Variants in MMRN2 observed in about 807,000 individuals in gnomAD.
The protein encoded by MMRN2 is multimerin-2.
A neutral mutation model predicts 68.8 loss-of-function variants in MMRN2; 53 were observed. The observed-to-expected ratio is 0.77, with a 90% CI of 0.62 to 0.97. MMRN2 has a LOEUF of 0.97. Among genes scored for constraint, MMRN2 ranks in the 50% least tolerant of loss-of-function variants. MMRN2 has a pLI of 0.00. For missense variants in MMRN2, 1,266 were observed against 1,259.5 expected, an observed-to-expected ratio of 1.01 and a Z score of -0.08; for synonymous variants, 564 against 551.6, an observed-to-expected ratio of 1.02 and a Z score of -0.32.
chr10:86,941,567 G>C (rs992074531), intron 6 of MMRN2, among the ~76,000 whole-genome samples: 1 of 152,076 alleles, frequency 6.6e-6, no homozygotes, highest in African/African-American at 2.4e-5. Context: ...GGAGGCTGAG[G>C]TGGGCAGATT....
In MMRN2 at chr10:86,936,752, A is replaced by G; in HGVS notation, c.2841T>C (p.Phe947=). 6.2e-7 allele frequency: 1 copy of G among 1,614,052 alleles called. No individual in the cohort carries two copies. Among genetic ancestry groups the G allele is most frequent in the Non-Finnish European group, 8.5e-7 (1 of 1,179,938 alleles). The stretch of plus-strand genomic sequence containing the variant: ...AGATTGGGGCTGGGGTTCAGGTCTT[A>G]AACATCAGGAAGCCCCCAAATGCAG... ...SGTAFGGFLM[F]KT Residue 947 remains phenylalanine (F), a synonymous_variant, in exon 7 of 7, where the codon TTT becomes TTC. Transcript: ENST00000372027.
intron 4 of MMRN2, 47 bp downstream of exon 4, chr10:86,945,141 T>G (rs1844046296): frequency 6.4e-7 from 1 of 1,550,886 alleles, no homozygotes; most frequent in South Asian, 1.1e-5. Context: ...GCTGGCTACA[T>G]GGGCCCCACC....
At chr10:86,942,290 T>C (rs781464137) in intron 6 of MMRN2, 27 bp downstream of exon 6, 3 of 1,576,138 alleles carry the variant, frequency 1.9e-6, no homozygotes, top group Non-Finnish European at 2.6e-6. Flanking sequence ...CCTAGGCTCG[T>C]CCAGTCTCCC....
chr10:86,953,288 T>G (rs1025999563), intron 1 of MMRN2, among the ~76,000 whole-genome samples: 20 of 152,186 alleles, frequency 1.3e-4, no homozygotes, highest in African/African-American at 4.3e-4. Context: ...TAAGAAATTA[T>G]GAGTATTATT....
Position 86,942,975 on chromosome 10 carries a change from C to A in MMRN2, c.1809G>T (p.Ala603=), listed in dbSNP as rs1843998918. 1.3e-6 allele frequency: 2 copies of A among 1,486,144 alleles called. No individual in the cohort carries two copies. Among genetic ancestry groups the A allele is most frequent in the Non-Finnish European group, 1.8e-6 (2 of 1,119,154 alleles). 92.1% of individuals were successfully genotyped at this position (1,486,144 alleles called of 1,614,324 possible). Residue 603 remains alanine (A), a synonymous_variant, in exon 6 of 7, where the codon GCG becomes GCT. Transcript: ENST00000372027. ...CGGCCAGCACCGCCTCGTGCCGCAG[C>A]GCGTCCTCCAGCAGGGCGGCGAAGG... ...HSAFAALLED[A]LRHEAVLAAL...
rs1843884551 is a variant in MMRN2 at position 86,936,733 on chromosome 10, G to C, written c.*10C>G. The C allele has an allele frequency of 6.2e-7, 1 of 1,613,168 alleles. No homozygotes were observed. The highest frequency in any genetic ancestry group is 1.3e-5 in the African/African-American group (1 of 74,886). ...GAGTCCATGATGTCTGATCAGATTG[G>C]GGCTGGGGTTCAGGTCTTAAACATC... is the stretch of plus-strand genomic sequence containing the variant. On this transcript the variant is annotated 3_prime_UTR_variant, in exon 7 of 7. Transcript: ENST00000372027.
chr10:86,955,592 C>T (rs999087806), intron 1 of MMRN2, among the ~76,000 whole-genome samples: 4 of 152,228 alleles, frequency 2.6e-5, no homozygotes, highest in Admixed American at 1.3e-4. Context: ...GGTGTCACCA[C>T]CCCTGCTAGC....
At chr10:86,953,497 C>T (rs540207236) in intron 1 of MMRN2, among the ~76,000 whole-genome samples, 128 of 152,272 alleles carry the variant, frequency 8.4e-4, no homozygotes, top group African/African-American at 2.9e-3. Context: ...CCTGACTTCC[C>T]GCAACAGCTC....
At chr10:86,955,239 G>A (rs868380400) in intron 1 of MMRN2, among the ~76,000 whole-genome samples, 1 of 152,112 alleles carries the variant, frequency 6.6e-6, no homozygotes, top group South Asian at 2.1e-4. Context: ...AGTTCCACTG[G>A]GACAGCAAAT....
At position 86,942,965 on chromosome 10, in the gene MMRN2, C is replaced by A. The variant is rs1234489479; in HGVS notation, c.1819G>T (p.Glu607Ter). The change falls in exon 6 of 7, where the codon GAG becomes TAG. Residue 607 changes from glutamate to a stop codon, truncating the protein, a stop_gained. Coordinates refer to ENST00000372027, the MANE Select transcript of MMRN2 (RefSeq NM_024756.3). LOFTEE classifies it high-confidence loss of function. Reference sequence around the variant, plus strand: ...CCGAAGAGCGCGGCCAGCACCGCCTCGTGCCGCAGCGCGTCCTCCAGCAGG... The same window carrying A: ...CCGAAGAGCGCGGCCAGCACCGCCTAGTGCCGCAGCGCGTCCTCCAGCAGG... ...AALLEDALRH[E>*]AVLAALFGEE... is the part of the protein sequence containing the mutation. The A allele has an allele frequency of 1.3e-6, 2 of 1,493,000 alleles. No individual in the cohort carries two copies. The highest frequency in any genetic ancestry group is 1.8e-6 in the Non-Finnish European group (2 of 1,122,568). The allele number at this position is 1,493,000 out of a possible 1,614,324, so 92.5% of individuals were successfully genotyped here. A position where few individuals can be genotyped will look rare whatever the true frequency, so the allele number is the denominator to read the frequency against.
At chr10:86,952,435 CT>C (rs1844157880) in intron 1 of MMRN2, among the ~76,000 whole-genome samples, 1 of 152,204 alleles carries the variant, frequency 6.6e-6, no homozygotes, top group African/African-American at 2.4e-5. Context: ...AACATACATT[CT>C]TTCTATTTTC....
At chr10:86,938,517 G>A (rs1843911598) in intron 6 of MMRN2, among the ~76,000 whole-genome samples, 1 of 152,204 alleles carries the variant, frequency 6.6e-6, no homozygotes, top group Non-Finnish European at 1.5e-5. Flanking sequence ...CAGCATGGTT[G>A]GGCAGCTGGG....
At chr10:86,945,897 C>T (rs1564733216) in intron 1 of MMRN2, 5 of 1,375,748 alleles carry the variant, frequency 3.6e-6, no homozygotes, top group Non-Finnish European at 3.8e-6. Context: ...GGCACCTGCT[C>T]CACCACCTTC....
intron 1 of MMRN2, among the ~76,000 whole-genome samples, chr10:86,955,436 T>C (rs908806444): frequency 5.3e-5 from 8 of 152,174 alleles, no homozygotes; most frequent in Non-Finnish European, 1.0e-4. Flanking sequence ...ACGTAGTGGT[T>C]CTATTCAAGC....
Position 86,957,478 on chromosome 10 carries a change from C to T in MMRN2, c.64G>A (p.Ala22Thr). Reference protein sequence around the residue: ...PLGWGLLGAWAQASSTSLSDL... With the variant: ...PLGWGLLGAWTQASSTSLSDL... ...GAGAGGCTAGTACTGGAAGCCTGGGCCCATGCCCCCAGCAGCCCCCAGCCC... is the reference window on the plus strand; with the variant it reads ...GAGAGGCTAGTACTGGAAGCCTGGGTCCATGCCCCCAGCAGCCCCCAGCCC... The change falls in exon 1 of 7, where the codon GCC (alanine) becomes ACC (threonine). Residue 22 changes from alanine (A) to threonine (T), a missense_variant. Physicochemically the swap from Ala to Thr is moderately conservative, Grantham distance 58. Transcript: ENST00000372027. 1 of 1,613,266 alleles carries T rather than the reference C, an allele frequency of 6.2e-7. No individual in the cohort carries two copies. The highest frequency in any genetic ancestry group is 8.5e-7 in the Non-Finnish European group (1 of 1,179,956).
Position 86,936,369 on chromosome 10 carries a change from C to T in MMRN2, c.*374G>A, listed in dbSNP as rs576613681. On this transcript the variant is annotated 3_prime_UTR_variant, in exon 7 of 7. Coordinates refer to ENST00000372027, the MANE Select transcript of MMRN2 (RefSeq NM_024756.3). Reference sequence around the variant, plus strand: ...CGATAAGGGAGAAGAGAAGAGGAAGCAAGAGAAAAGTTTAAAGTGTTGTAC... The same window carrying T: ...CGATAAGGGAGAAGAGAAGAGGAAGTAAGAGAAAAGTTTAAAGTGTTGTAC... 7 of 437,888 alleles carry T rather than the reference C, an allele frequency of 1.6e-5. No individual in the cohort carries two copies. The highest frequency in any genetic ancestry group is 1.4e-4 in the African/African-American group (7 of 50,142). The allele number at this position is 437,888 out of a possible 1,614,324, so 27.1% of individuals were successfully genotyped here. A position where few individuals can be genotyped will look rare whatever the true frequency, so the allele number is the denominator to read the frequency against.
At chr10:86,941,998 C>G (rs1454432116) in intron 6 of MMRN2, among the ~76,000 whole-genome samples, 3 of 152,052 alleles carry the variant, frequency 2.0e-5, no homozygotes, top group Admixed American at 6.5e-5. Flanking sequence ...GAAGGCTGCC[C>G]TGGCAGGGCA....
At chr10:86,951,030 G>C (rs1015434382) in intron 1 of MMRN2, among the ~76,000 whole-genome samples, 1 of 152,080 alleles carries the variant, frequency 6.6e-6, no homozygotes, top group African/African-American at 2.4e-5. Flanking sequence ...GGAGGTTGCA[G>C]TGAGCCAAGA....
intron 4 of MMRN2, 76 bp downstream of exon 4, chr10:86,945,112 A>G: frequency 3.1e-6 from 4 of 1,310,150 alleles, no homozygotes; most frequent in Non-Finnish European, 4.4e-6. Flanking sequence ...GCACTGCTGT[A>G]TCACAGGAAA....
Sources: gnomAD v4.1 joint callset for allele counts (sites outside exome capture counted in the v4.1 genomes callset) on GRCh38, gnomAD v4.1.1 for gene constraint, MANE v1.5 for transcripts, NCBI Gene and HGNC (gene_info 2026-07-23, HGNC 2026-07-21) for gene names.